The following CACUL1 variants were observed in gnomAD, a reference collection of about 807,000 sequenced individuals.
CACUL1 encodes CDK2-associated and cullin domain-containing protein 1.
In CACUL1, 13 loss-of-function variants were observed where a neutral mutation model predicts 45.2. The ratio of observed to expected loss-of-function variants is 0.29; its 90% CI spans 0.19 to 0.46. The LOEUF is 0.46. CACUL1 is among the 20% of genes least tolerant of loss of function. CACUL1 has a pLI of 1.00. For missense variants in CACUL1, 421 were observed against 471.4 expected (o/e 0.89, Z 0.99); for synonymous variants, 197 against 174.2 (o/e 1.13, Z -1.03).
In CACUL1 at chr10:118,691,248, A is replaced by G. The variant is rs200246428; in HGVS notation, c.1025+17T>C. 6.9e-6 allele frequency: 11 copies of G among 1,590,482 alleles called. No individual in the cohort carries two copies. The highest frequency in any genetic ancestry group is 1.1e-5 in the South Asian group (1 of 89,340). On this transcript the variant is annotated intron_variant, in intron 7 of 8. Transcript: ENST00000369151. ...AATGGACATATTTGACCACTAAAGG[A>G]AAAAAAAACAACTTGCCTTGTAAAA... is the stretch of plus-strand genomic sequence containing the variant.
intron 1 of CACUL1, among the ~76,000 whole-genome samples, chr10:118,747,772 G>C (rs1845858728): frequency 6.6e-6 from 1 of 152,136 alleles, no homozygotes; most frequent in South Asian, 2.1e-4. Context: ...GAAGCAGGCA[G>C]CGTTAACTGA....
chr10:118,693,979 A>G (rs1339200834), intron 6 of CACUL1, among the ~76,000 whole-genome samples: 5 of 152,134 alleles, frequency 3.3e-5, no homozygotes, highest in Non-Finnish European at 1.5e-5. Context: ...CAGTGGTACA[A>G]TCAGCTCAGG....
In CACUL1 at chr10:118,730,240, T is replaced by G. The variant is rs182099594; in HGVS notation, c.494+44A>C. 884 of 1,601,828 alleles carry G rather than the reference T, an allele frequency of 5.5e-4. 3 individuals are homozygous for G. The African/African-American group carries it at 0.01, about 19-fold the overall frequency. ...AGGCATAATTCAAGTGCCTTGAACCTTAGTATACCCTTTCAAACCCAAGCA... is the reference window on the plus strand; with the variant it reads ...AGGCATAATTCAAGTGCCTTGAACCGTAGTATACCCTTTCAAACCCAAGCA... On this transcript the variant is annotated intron_variant, in intron 2 of 8. Coordinates refer to ENST00000369151, the MANE Select transcript of CACUL1 (RefSeq NM_153810.5).
In CACUL1 at chr10:118,707,487, C is replaced by T; in HGVS notation, c.693+5G>A. 1 of 1,377,446 alleles carries T rather than the reference C, an allele frequency of 7.3e-7. No homozygotes were observed. Among genetic ancestry groups the T allele is most frequent in the Non-Finnish European group, 1.0e-6 (1 of 966,658 alleles). 85.3% of individuals were successfully genotyped at this position (1,377,446 alleles called of 1,614,324 possible). A position where few individuals can be genotyped will look rare whatever the true frequency, so the allele number is the denominator to read the frequency against. On this transcript the variant is annotated splice_donor_5th_base_variant and intron_variant, in intron 4 of 8. Coordinates refer to ENST00000369151, the MANE Select transcript of CACUL1 (RefSeq NM_153810.5). Reference sequence around the variant, plus strand: ...TTTGGGAAGGAGGAAGGAGCTCTTACTTACCATATATATGAAAAGAGGCAC... The same window carrying T: ...TTTGGGAAGGAGGAAGGAGCTCTTATTTACCATATATATGAAAAGAGGCAC...
chr10:118,754,286 A>G (rs1845930559), intron 1 of CACUL1, 110 bp downstream of exon 1: 1 of 1,409,548 alleles, frequency 7.1e-7, no homozygotes, highest in Non-Finnish European at 9.3e-7. Flanking sequence ...GGAGAAGAGG[A>G]AAGACCGAGG....
At chr10:118,701,068 A>T (rs1845375109) in intron 5 of CACUL1, among the ~76,000 whole-genome samples, 1 of 152,144 alleles carries the variant, frequency 6.6e-6, no homozygotes, top group South Asian at 2.1e-4. Flanking sequence ...ACAAGTTCTC[A>T]GGGCAGACAC....
At chr10:118,745,494 G>A (rs1207662797) in intron 1 of CACUL1, among the ~76,000 whole-genome samples, 1 of 152,146 alleles carries the variant, frequency 6.6e-6, no homozygotes, top group African/African-American at 2.4e-5. Context: ...CTGGGAGGTA[G>A]AGGTTGCAGT....
intron 1 of CACUL1, among the ~76,000 whole-genome samples, chr10:118,743,738 G>C (rs2119672634): frequency 6.6e-6 from 1 of 150,966 alleles, no homozygotes; most frequent in Non-Finnish European, 1.5e-5. Flanking sequence ...CCCAAAAAAA[G>C]GAAAAAAGAA....
chr10:118,751,955 T>A (rs1038112315), intron 1 of CACUL1, among the ~76,000 whole-genome samples: 1 of 152,198 alleles, frequency 6.6e-6, no homozygotes, highest in African/African-American at 2.4e-5. Context: ...CATATAGTAT[T>A]TACTTTTGAT....
intron 3 of CACUL1, chr10:118,726,419 A>C: frequency 2.3e-6 from 2 of 882,946 alleles, no homozygotes; most frequent in Non-Finnish European, 3.1e-6. Context: ...AAGGATAAAA[A>C]GACAAACACG....
intron 3 of CACUL1, among the ~76,000 whole-genome samples, chr10:118,708,633 T>G (rs751429756): frequency 2.6e-5 from 4 of 152,106 alleles, no homozygotes; most frequent in Non-Finnish European, 5.9e-5. Context: ...ATACTAGGAA[T>G]AAGGAAGTAA....
At chr10:118,724,965 C>T (rs1399399213) in intron 3 of CACUL1, among the ~76,000 whole-genome samples, 1 of 151,994 alleles carries the variant, frequency 6.6e-6, no homozygotes, top group East Asian at 1.9e-4. Flanking sequence ...GTCCTGGTCT[C>T]TCACAAAAAA....
intron 1 of CACUL1, 37 bp from the exon 2 acceptor site, chr10:118,730,447 C>T (rs765704875): frequency 6.4e-7 from 1 of 1,558,728 alleles, no homozygotes; most frequent in Non-Finnish European, 8.7e-7. Context: ...TACTACGTGC[C>T]ACATGTGGAG....
intron 6 of CACUL1, chr10:118,693,708 T>TC (rs1845293557): frequency 2.2e-6 from 1 of 456,722 alleles, no homozygotes; most frequent in African/African-American, 2.0e-5. Flanking sequence ...ACACACTATT[T>TC]CAGGAGCCAT....
chr10:118,699,912 C>G (rs1018907549), intron 5 of CACUL1, among the ~76,000 whole-genome samples: 1 of 151,840 alleles, frequency 6.6e-6, no homozygotes, highest in Non-Finnish European at 1.5e-5. Context: ...CCTCCCAAAG[C>G]GCTGGGATTA....
intron 3 of CACUL1, among the ~76,000 whole-genome samples, chr10:118,709,511 T>G (rs190318990): frequency 6.6e-6 from 1 of 152,210 alleles, no homozygotes; most frequent in Non-Finnish European, 1.5e-5. Context: ...AATTCATTCC[T>G]GGGTCAGAGT....
intron 3 of CACUL1, among the ~76,000 whole-genome samples, chr10:118,728,254 A>G (rs1354305725): frequency 6.6e-6 from 1 of 152,182 alleles, no homozygotes; most frequent in Non-Finnish European, 1.5e-5. Flanking sequence ...GGTTATTTCA[A>G]AACTGCTGGG....
chr10:118,727,966 A>C (rs1423844762), intron 3 of CACUL1, among the ~76,000 whole-genome samples: 1 of 152,262 alleles, frequency 6.6e-6, no homozygotes, highest in Non-Finnish European at 1.5e-5. Context: ...AACAATTTAT[A>C]CACAATGCCT....
At chr10:118,737,158 T>C (rs6585505) in intron 1 of CACUL1, among the ~76,000 whole-genome samples, 114,521 of 151,020 alleles carry the variant, frequency 0.76, 43,610 homozygotes, top group Non-Finnish European at 0.8. Flanking sequence ...AAAACCTGTA[T>C]CATCTACTCA....
Sources: gnomAD v4.1 joint callset for allele counts (sites outside exome capture counted in the v4.1 genomes callset) on GRCh38, gnomAD v4.1.1 for gene constraint, MANE v1.5 for transcripts, NCBI Gene and HGNC (gene_info 2026-07-23, HGNC 2026-07-21) for gene names.